SLC4A7: variants seen among roughly 807,000 people sequenced by gnomAD.
SLC4A7 encodes solute carrier family 4 member 7.
In SLC4A7, 51 loss-of-function variants were observed where a neutral mutation model predicts 137.6. The observed-to-expected ratio is 0.37, with a 90% CI of 0.30 to 0.47. SLC4A7 has a LOEUF of 0.47. SLC4A7 is among the 20% of genes least tolerant of loss of function. The pLI, the probability that SLC4A7 is intolerant of heterozygous loss-of-function variation, is 1.00. For missense variants in SLC4A7, 1,247 were observed against 1,525.4 expected (o/e 0.82, Z 3.04); for synonymous variants, 542 against 518.6 (o/e 1.05, Z -0.61).
At chr3:27,478,872 GCA>G (rs1268127708) in intron 1 of SLC4A7, among the ~76,000 whole-genome samples, 1 of 151,398 alleles carries the variant, frequency 6.6e-6, no homozygotes, top group African/African-American at 2.4e-5. Flanking sequence ...GGGCGTGGTG[GCA>G]CACCCCTGTA....
intron 13 of SLC4A7, among the ~76,000 whole-genome samples, chr3:27,408,203 T>C (rs1270259886): frequency 6.6e-6 from 1 of 152,212 alleles, no homozygotes; most frequent in African/African-American, 2.4e-5. Context: ...CTTATCTATA[T>C]TCCTCCAATG....
rs780830658 is a variant in SLC4A7, at chr3:27,465,965, AAGAAAG to A, written c.61-13473_61-13468del. The stretch of plus-strand genomic sequence containing the variant: ...CAAGAGTCCGTCTCAAAAAAAAAAA[AAGAAAG>A]AAAGAAAGAAAGAAAACTGTACAGG... On this transcript the variant is annotated intron_variant, in intron 1 of 25. Coordinates refer to ENST00000454389, the MANE Select transcript of SLC4A7 (RefSeq NM_001321103.2). 7.0e-3 allele frequency among the ~76,000 whole-genome samples: 977 copies of A among 138,678 alleles called. 13 individuals are homozygous for A. The highest frequency in any genetic ancestry group is 0.032 in the East Asian group (149 of 4,722). The allele number at this position is 138,678 out of a possible 152,430, so 91.0% of individuals were successfully genotyped here. A position where few individuals can be genotyped will look rare whatever the true frequency, so the allele number is the denominator to read the frequency against.
At chr3:27,407,587 C>CT (rs1243862062) in intron 13 of SLC4A7, among the ~76,000 whole-genome samples, 6 of 152,082 alleles carry the variant, frequency 3.9e-5, no homozygotes, top group Non-Finnish European at 8.8e-5. Context: ...ACCTTCCCCT[C>CT]ACACACCTAT....
At chr3:27,471,580 C>T (rs1383402133) in intron 1 of SLC4A7, among the ~76,000 whole-genome samples, 3 of 152,192 alleles carry the variant, frequency 2.0e-5, no homozygotes, top group African/African-American at 4.8e-5. Context: ...CCACGTTGGT[C>T]AGACTGGTCT....
rs1487408639 is a variant in SLC4A7, at chr3:27,435,573, C to T, written c.589+815G>A. ...CCTATTTCTTGGCTAGGCACCGTGG[C>T]TCACACCTGTAAACCCAAAACTCTG... On this transcript the variant is annotated intron_variant, in intron 5 of 25. Coordinates refer to ENST00000454389, the MANE Select transcript of SLC4A7 (RefSeq NM_001321103.2). 2.6e-5 allele frequency among the ~76,000 whole-genome samples: 4 copies of T among 152,214 alleles called. No individual in the cohort carries two copies. The South Asian group carries it at 6.2e-4, about 24-fold the overall frequency.
At chr3:27,482,246 T>A (rs1216129449) in intron 1 of SLC4A7, among the ~76,000 whole-genome samples, 1 of 152,220 alleles carries the variant, frequency 6.6e-6, no homozygotes, top group Non-Finnish European at 1.5e-5. Context: ...TAAGTGTTAT[T>A]ACAATGAATG....
chr3:27,453,854 A>G (rs1217056630), intron 1 of SLC4A7, among the ~76,000 whole-genome samples: 1 of 152,258 alleles, frequency 6.6e-6, no homozygotes, highest in Non-Finnish European at 1.5e-5. Flanking sequence ...TCCAAACTGT[A>G]AATCAAATAT....
intron 1 of SLC4A7, among the ~76,000 whole-genome samples, chr3:27,461,675 C>T (rs2058706937): frequency 6.6e-6 from 1 of 150,398 alleles, no homozygotes; most frequent in African/African-American, 2.4e-5. Flanking sequence ...GAATATGAAC[C>T]ATGGCTGGGC....
At position 27,383,163 on chromosome 3, in the gene SLC4A7, G is replaced by C. The variant is rs149192782; in HGVS notation, c.3580C>G (p.Leu1194Val). 4 of 1,605,896 alleles carry C rather than the reference G, an allele frequency of 2.5e-6. No individual in the cohort carries two copies. The Admixed American group carries it at 6.7e-5, about 27-fold the overall frequency. Residue 1194 changes from leucine (L) to valine (V), a missense_variant, in exon 24 of 26, where the codon CTA (leucine) becomes GTA (valine). By Grantham distance (32) the Leu-to-Val change is conservative (BLOSUM62 1). Coordinates refer to ENST00000454389, the MANE Select transcript of SLC4A7 (RefSeq NM_001321103.2). ...GSLLQIPVKA[L>V]KYSVDPSIVN... ...AAAGTCATATCTCACCTATATTTTAGGGCCTTGACTGGAATTTGCAAGAGA... is the reference window on the plus strand; with the variant it reads ...AAAGTCATATCTCACCTATATTTTACGGCCTTGACTGGAATTTGCAAGAGA...
chr3:27,466,859 GA>G (rs202213796), intron 1 of SLC4A7, among the ~76,000 whole-genome samples: 106 of 151,082 alleles, frequency 7.0e-4, no homozygotes, highest in African/African-American at 2.5e-3. Context: ...TCCATCTCAA[GA>G]AAAAAAAAAT....
Position 27,390,019 on chromosome 3 carries a change from A to G in SLC4A7, c.3272T>C (p.Val1091Ala). 1 of 1,613,334 alleles carries G rather than the reference A, an allele frequency of 6.2e-7. No homozygotes were observed. The highest frequency in any genetic ancestry group is 8.5e-7 in the Non-Finnish European group (1 of 1,179,310). The change falls in exon 22 of 26, where the codon GTC (valine) becomes GCC (alanine). Residue 1091 changes from valine (V) to alanine (A), a missense_variant. Coordinates refer to ENST00000454389, the MANE Select transcript of SLC4A7 (RefSeq NM_001321103.2). ...AAGCTGAATGACTGTGAAAATATGG[A>G]CCTTCCAGAGCGGCACATAACGGAG... Reference protein sequence around the residue: ...IYLRYVPLWKVHIFTVIQLTC... With the variant: ...IYLRYVPLWKAHIFTVIQLTC...
At chr3:27,467,811 G>A (rs1005231891) in intron 1 of SLC4A7, among the ~76,000 whole-genome samples, 5 of 152,138 alleles carry the variant, frequency 3.3e-5, no homozygotes, top group African/African-American at 7.2e-5. Flanking sequence ...TGTGATTATG[G>A]TTAAGAGAAT....
chr3:27,408,916 T>A (rs907822061), intron 13 of SLC4A7, among the ~76,000 whole-genome samples: 1 of 152,214 alleles, frequency 6.6e-6, no homozygotes, highest in Non-Finnish European at 1.5e-5. Flanking sequence ...CAGTCGAGTA[T>A]AGGCTTACCA....
intron 20 of SLC4A7, among the ~76,000 whole-genome samples, chr3:27,393,197 C>G (rs1011201786): frequency 3.9e-5 from 6 of 152,014 alleles, no homozygotes; most frequent in Non-Finnish European, 8.8e-5. Flanking sequence ...AACTGCCTCC[C>G]TAAGTATCTG....
intron 8 of SLC4A7, among the ~76,000 whole-genome samples, chr3:27,422,242 C>T (rs1174041626): frequency 2.0e-5 from 3 of 152,038 alleles, no homozygotes; most frequent in African/African-American, 7.2e-5. Context: ...TTTTCATTAA[C>T]TGGAAAAAAA....
At chr3:27,409,312 T>C in intron 13 of SLC4A7, 44 bp downstream of exon 13, 1 of 1,469,278 alleles carries the variant, frequency 6.8e-7, no homozygotes, top group Non-Finnish European at 9.2e-7. Flanking sequence ...GACACTTGCC[T>C]CTGAAGAGCT....
chr3:27,464,091 G>C (rs1270625616), intron 1 of SLC4A7, among the ~76,000 whole-genome samples: 1 of 151,794 alleles, frequency 6.6e-6, no homozygotes, highest in Non-Finnish European at 1.5e-5. Flanking sequence ...CACAAGAATC[G>C]CTTGAACCCA....
At chr3:27,431,000 A>G (rs2056218008) in intron 7 of SLC4A7, among the ~76,000 whole-genome samples, 1 of 152,128 alleles carries the variant, frequency 6.6e-6, no homozygotes, top group Admixed American at 6.5e-5. Flanking sequence ...TCTTTTTGTA[A>G]CTCAAATTTT....
rs1200429288 is a variant in SLC4A7, at chr3:27,376,793, T to C, written c.3751A>G (p.Lys1251Glu). The change falls in exon 26 of 26, where the codon AAA (lysine) becomes GAA (glutamate). Residue 1251 changes from lysine (K) to glutamate (E), a missense_variant. Transcript: ENST00000454389. ...KISFEDEPRK[K>E]YVDAETSL ...AATGAAGTTTCAGCATCCACGTATT[T>C]CTTTCTTGGTTCATCTTCAAAACTT... 6.2e-7 allele frequency: 1 copy of C among 1,600,106 alleles called. No individual in the cohort carries two copies. Among genetic ancestry groups the C allele is most frequent in the Non-Finnish European group, 8.5e-7 (1 of 1,171,160 alleles).
Sources: gnomAD v4.1 joint callset for allele counts (sites outside exome capture counted in the v4.1 genomes callset) on GRCh38, gnomAD v4.1.1 for gene constraint, MANE v1.5 for transcripts, NCBI Gene and HGNC (gene_info 2026-07-23, HGNC 2026-07-21) for gene names.